Variants in BMP5 observed in about 807,000 individuals in gnomAD.
The protein encoded by BMP5 is bone morphogenetic protein 5.
Under a neutral mutation model 46.6 loss-of-function variants are expected in BMP5, and 23 were observed. The observed-to-expected ratio is 0.49, with a 90% confidence interval of 0.35 to 0.70. The LOEUF (loss-of-function observed/expected upper bound fraction) is 0.70, where lower values mean the gene tolerates loss of function less well. Among genes scored for constraint, BMP5 ranks in the 30% least tolerant of loss-of-function variants. BMP5 has a pLI of 0.00. For synonymous variants in BMP5, 204 were observed against 191.9 expected (o/e 1.06, Z -0.52); for missense variants, 545 against 565.6 (o/e 0.96, Z 0.37).
At chr6:55,818,017 C>T (rs1200503516) in intron 2 of BMP5, among the ~76,000 whole-genome samples, 3 of 152,152 alleles carry the variant, frequency 2.0e-5, no homozygotes, top group African/African-American at 7.2e-5. Flanking sequence ...AGCCAAACAA[C>T]TCAGATGAAT....
At chr6:55,862,315 A>G (rs1476105176) in intron 1 of BMP5, among the ~76,000 whole-genome samples, 1 of 152,192 alleles carries the variant, frequency 6.6e-6, no homozygotes, top group African/African-American at 2.4e-5. Flanking sequence ...AACTTAAAGT[A>G]ATCATTGCCC....
chr6:55,837,886 C>A (rs113630226), intron 1 of BMP5, among the ~76,000 whole-genome samples: 66 of 152,280 alleles, frequency 4.3e-4, no homozygotes, highest in African/African-American at 1.6e-3. Flanking sequence ...ATTATTAGAT[C>A]CCACAAATGT....
At chr6:55,873,325 A>T (rs1047611240) in intron 1 of BMP5, among the ~76,000 whole-genome samples, 3 of 151,996 alleles carry the variant, frequency 2.0e-5, no homozygotes, top group Non-Finnish European at 4.4e-5. Context: ...TCTAAAAGCT[A>T]TAACATCATA....
At chr6:55,829,574 C>A (rs1391590287) in intron 1 of BMP5, among the ~76,000 whole-genome samples, 7 of 151,730 alleles carry the variant, frequency 4.6e-5, no homozygotes, top group Non-Finnish European at 1.0e-4. Flanking sequence ...CCTAATGTCA[C>A]ACATTTATTT....
chr6:55,809,989 G>A (rs1776088449), intron 2 of BMP5, among the ~76,000 whole-genome samples: 1 of 151,936 alleles, frequency 6.6e-6, no homozygotes, highest in Non-Finnish European at 1.5e-5. Context: ...GCCACCCAAG[G>A]AGAAAGCATA....
chr6:55,794,926 C>G (rs997924717), intron 2 of BMP5, among the ~76,000 whole-genome samples: 2 of 151,876 alleles, frequency 1.3e-5, no homozygotes, highest in Non-Finnish European at 2.9e-5. Context: ...TTTATGGATA[C>G]CAAACACCAA....
In BMP5 at chr6:55,874,650, T is replaced by C. The variant is rs1479490192; in HGVS notation, c.216A>G (p.Lys72=). The C allele has an allele frequency of 1.2e-6, 2 of 1,613,576 alleles. No homozygotes were observed. The highest frequency in any genetic ancestry group is 8.5e-7 in the Non-Finnish European group (1 of 1,179,708). The change falls in exon 1 of 7, where the codon AAA becomes AAG. Residue 72 remains lysine, a synonymous_variant. Transcript: ENST00000370830. ...TAAAGAGAGGTGCAGAGGACGCTTG[T>C]TTTCCAGGTGAAAATGGTCTGGGTC... ...PHRPRPFSPG[K]QASSAPLFML...
At chr6:55,756,667 G>A (rs1459399816) in intron 6 of BMP5, among the ~76,000 whole-genome samples, 1 of 151,822 alleles carries the variant, frequency 6.6e-6, no homozygotes, top group Admixed American at 6.6e-5. Flanking sequence ...AATGATATAG[G>A]GGCCTTGCAT....
rs374190174 is a variant in BMP5 at position 55,842,045 on chromosome 6, G to A, written c.491-22198C>T. Among the ~76,000 whole-genome samples, 8 of 152,036 alleles carry A rather than the reference G, an allele frequency of 5.3e-5. No homozygotes were observed. In the East Asian group the frequency reaches 5.8e-4, roughly 11 times the overall value. On this transcript the variant is annotated intron_variant, in intron 1 of 6. Transcript: ENST00000370830. ...AGATTTCTATTAACCGCTATTGATC[G>A]TGACTTTACAACACTTTTTTAAAAA... is the stretch of plus-strand genomic sequence containing the variant.
intron 2 of BMP5, among the ~76,000 whole-genome samples, chr6:55,806,641 TC>T (rs1775997161): frequency 6.6e-6 from 1 of 152,224 alleles, no homozygotes; most frequent in East Asian, 1.9e-4. Context: ...TAGCACTGAA[TC>T]TATAAGTTAC....
intron 2 of BMP5, among the ~76,000 whole-genome samples, chr6:55,800,125 T>C (rs1775808299): frequency 6.6e-6 from 1 of 152,162 alleles, no homozygotes; most frequent in South Asian, 2.1e-4. Context: ...TACACAAATA[T>C]ACAAAAATGC....
chr6:55,842,134 T>C (rs191716333), intron 1 of BMP5, among the ~76,000 whole-genome samples: 1 of 152,306 alleles, frequency 6.6e-6, no homozygotes, highest in Non-Finnish European at 1.5e-5. Flanking sequence ...TTCTGGTCTG[T>C]TGAGGTTTGT....
chr6:55,813,641 G>A (rs1776186481), intron 2 of BMP5, among the ~76,000 whole-genome samples: 3 of 152,030 alleles, frequency 2.0e-5, no homozygotes, highest in Non-Finnish European at 4.4e-5. Flanking sequence ...CAAAAAATTA[G>A]CCAGGCGTGG....
rs1777881954 is a variant in BMP5 at position 55,875,330 on chromosome 6, C to T, written c.-465G>A. On this transcript the variant is annotated 5_prime_UTR_variant, in exon 1 of 7. Transcript: ENST00000370830. Reference sequence around the variant, plus strand: ...CTCTTTCCAAAACAAATCCTGATTTCTGAATCACAGATCTATGCTGATCTG... The same window carrying T: ...CTCTTTCCAAAACAAATCCTGATTTTTGAATCACAGATCTATGCTGATCTG... 5.0e-6 allele frequency: 1 copy of T among 198,426 alleles called. No individual in the cohort carries two copies. The highest frequency in any genetic ancestry group is 1.3e-4 in the East Asian group (1 of 7,440). The allele number at this position is 198,426 out of a possible 1,614,324, so 12.3% of individuals were successfully genotyped here.
At chr6:55,780,654 C>T (rs908344894) in intron 3 of BMP5, among the ~76,000 whole-genome samples, 1 of 151,862 alleles carries the variant, frequency 6.6e-6, no homozygotes, top group South Asian at 2.1e-4. Context: ...TACTGTCGTG[C>T]CCCACAGTTT....
intron 6 of BMP5, among the ~76,000 whole-genome samples, chr6:55,758,301 T>C (rs2127514628): frequency 6.6e-6 from 1 of 151,990 alleles, no homozygotes; most frequent in South Asian, 2.1e-4. Flanking sequence ...ATTGTTCCTC[T>C]GCCAAATCGA....
rs1226174503 is a variant in BMP5 at position 55,754,685 on chromosome 6, C to T, written c.*848G>A. On this transcript the variant is annotated 3_prime_UTR_variant, in exon 7 of 7. Transcript: ENST00000370830. Reference sequence around the variant, plus strand: ...TGCCTGTGGGGAGGAAAGTGGAGCACATGTAAATGTTTCTTTATTTTGGAC... The same window carrying T: ...TGCCTGTGGGGAGGAAAGTGGAGCATATGTAAATGTTTCTTTATTTTGGAC... The T allele has an allele frequency of 6.6e-6, 1 of 151,842 alleles. No individual in the cohort carries two copies. Among genetic ancestry groups the T allele is most frequent in the Admixed American group, 6.6e-5 (1 of 15,192 alleles). 9.4% of individuals were successfully genotyped at this position (151,842 alleles called of 1,614,324 possible).
At chr6:55,818,680 C>A (rs1169391917) in intron 2 of BMP5, among the ~76,000 whole-genome samples, 3 of 152,106 alleles carry the variant, frequency 2.0e-5, no homozygotes, top group African/African-American at 7.2e-5. Flanking sequence ...TATTGCAAGG[C>A]ACTATTGCGA....
intron 1 of BMP5, among the ~76,000 whole-genome samples, chr6:55,832,357 T>G (rs1776686619): frequency 6.6e-6 from 1 of 152,208 alleles, no homozygotes; most frequent in African/African-American, 2.4e-5. Context: ...TGGACTGTAC[T>G]TGGGCTTGCC....
Sources: allele counts gnomAD v4.1 joint callset (sites outside exome capture counted in the v4.1 genomes callset), GRCh38; gene constraint gnomAD v4.1.1; transcripts MANE v1.5; gene names NCBI Gene and HGNC (gene_info 2026-07-23, HGNC 2026-07-21).